The following CCDC186 variants were observed in gnomAD, a reference collection of about 807,000 sequenced individuals.
CCDC186 encodes coiled-coil domain-containing protein 186.
CCDC186 carries 49 observed loss-of-function variants against 113.7 expected under a neutral mutation model. The ratio of observed to expected loss-of-function variants is 0.43; its 90% confidence interval spans 0.34 to 0.55. The LOEUF (loss-of-function observed/expected upper bound fraction) is 0.55, where lower values mean the gene tolerates loss of function less well. CCDC186 is among the 20% of genes least tolerant of loss of function. CCDC186 has a pLI of 0.02. For missense variants in CCDC186, 890 were observed against 1,011.1 expected (o/e 0.88, Z 1.62); for synonymous variants, 355 against 345.8 (o/e 1.03, Z -0.30).
intron 3 of CCDC186, among the ~76,000 whole-genome samples, chr10:114,155,283 T>C (rs920042764): frequency 6.6e-6 from 1 of 152,242 alleles, no homozygotes; most frequent in Non-Finnish European, 1.5e-5. Flanking sequence ...AGTACACATA[T>C]ACTAATTTTC....
chr10:114,149,770 A>AAGGAAGGC (rs1351841768), intron 4 of CCDC186, among the ~76,000 whole-genome samples: 3 of 54,228 alleles, frequency 5.5e-5, no homozygotes, highest in African/African-American at 6.6e-5. Flanking sequence ...GGAAGGAAGG[A>AAGGAAGGC]AGGAAGGCAG....
At chr10:114,128,503 T>C (rs1301847192) in intron 13 of CCDC186, among the ~76,000 whole-genome samples, 1 of 152,106 alleles carries the variant, frequency 6.6e-6, no homozygotes, top group East Asian at 1.9e-4. Context: ...TGGGAGGCAA[T>C]ATAGTGTACT....
chr10:114,144,290 C>A (rs1471229942), intron 6 of CCDC186, among the ~76,000 whole-genome samples: 1 of 151,992 alleles, frequency 6.6e-6, no homozygotes, highest in African/African-American at 2.4e-5. Context: ...GAGGACATTT[C>A]TTTTTCATAA....
intron 2 of CCDC186, 41 bp from the exon 3 acceptor site, chr10:114,157,721 A>G (rs1220255431): frequency 6.9e-7 from 1 of 1,451,262 alleles, no homozygotes; most frequent in Non-Finnish European, 9.4e-7. Flanking sequence ...CATAATTTAA[A>G]ATGGAGATAA....
chr10:114,148,222 G>A (rs1255204191), intron 4 of CCDC186, among the ~76,000 whole-genome samples: 1 of 152,202 alleles, frequency 6.6e-6, no homozygotes, highest in African/African-American at 2.4e-5. Flanking sequence ...GTCATCCATA[G>A]ATCAACTGCA....
At chr10:114,153,370 A>C (rs182976386) in intron 3 of CCDC186, among the ~76,000 whole-genome samples, 1 of 152,372 alleles carries the variant, frequency 6.6e-6, no homozygotes, top group Admixed American at 6.5e-5. Flanking sequence ...AAGAAATTGC[A>C]AGGGAAATTA....
intron 15 of CCDC186, among the ~76,000 whole-genome samples, chr10:114,125,517 G>T: frequency 6.6e-6 from 1 of 151,638 alleles, no homozygotes; most frequent in Admixed American, 6.6e-5. Context: ...TAATTTTCAA[G>T]GCCCACCCAC....
chr10:114,129,951 C>A lies in CCDC186; in HGVS notation c.2122G>T (p.Val708Phe). 1 of 1,613,492 alleles carries A rather than the reference C, an allele frequency of 6.2e-7. No homozygotes were observed. Among genetic ancestry groups the A allele is most frequent in the Non-Finnish European group, 8.5e-7 (1 of 1,179,598 alleles). The stretch of plus-strand genomic sequence containing the variant: ...TCTTTGTCATAGCTTCCACTCTCAA[C>A]CTGATCTAATTTTCTTCGTGCTATA... ...LQQARRKLDQ[V>F]ESGSYDKEVS... is the part of the protein sequence containing the mutation. The change falls in exon 13 of 16, where the codon GTT becomes TTT. Residue 708 changes from valine to phenylalanine, a missense_variant. Coordinates refer to ENST00000369287, the MANE Select transcript of CCDC186 (RefSeq NM_018017.4).
intron 3 of CCDC186, among the ~76,000 whole-genome samples, chr10:114,151,892 G>C (rs912255398): frequency 4.6e-5 from 7 of 152,002 alleles, no homozygotes; most frequent in Non-Finnish European, 2.9e-5. Context: ...ATGGTGACTT[G>C]AAAGAAAAAA....
chr10:114,148,714 C>A (rs754570623), intron 4 of CCDC186, among the ~76,000 whole-genome samples: 4 of 152,174 alleles, frequency 2.6e-5, no homozygotes, highest in Non-Finnish European at 4.4e-5. Flanking sequence ...GGGCTAAAAC[C>A]TTTACTGCTC....
chr10:114,172,154 T>A lies in CCDC186; in HGVS notation c.-62+1861A>T, dbSNP rs193205133. Among the ~76,000 whole-genome samples, 541 of 152,196 alleles carry A rather than the reference T, an allele frequency of 3.6e-3. 1 individual carries two copies. Among genetic ancestry groups the A allele is most frequent in the Non-Finnish European group, 4.7e-3 (317 of 67,990 alleles). On this transcript the variant is annotated intron_variant, in intron 1 of 15. Transcript: ENST00000369287. ...TACTAAAAGAAAAAAAATTTCAGGGTAAGGATTCTTACTTTAACACGAAAC... is the reference window on the plus strand; with the variant it reads ...TACTAAAAGAAAAAAAATTTCAGGGAAAGGATTCTTACTTTAACACGAAAC...
intron 6 of CCDC186, among the ~76,000 whole-genome samples, chr10:114,138,229 G>C (rs1229265327): frequency 6.8e-6 from 1 of 146,692 alleles, no homozygotes; most frequent in Non-Finnish European, 1.5e-5. Flanking sequence ...AACAGAGTGA[G>C]ACTTTGTCAC....
chr10:114,167,567 G>A (rs2032372241), intron 1 of CCDC186, among the ~76,000 whole-genome samples: 1 of 151,976 alleles, frequency 6.6e-6, no homozygotes, highest in Admixed American at 6.6e-5. Context: ...AGAGGTATGG[G>A]GTAAAAGGGG....
chr10:114,159,640 CAAAAAAAAAA>C (rs34339225), intron 2 of CCDC186, among the ~76,000 whole-genome samples: 30 of 55,482 alleles, frequency 5.4e-4, no homozygotes, highest in Non-Finnish European at 9.9e-4. Context: ...GACTCCGTCT[CAAAAAAAAAA>C]AAAAAAAAAA....
intron 4 of CCDC186, 88 bp from the exon 5 acceptor site, chr10:114,145,849 A>G: frequency 8.2e-7 from 1 of 1,213,034 alleles, no homozygotes; most frequent in East Asian, 2.5e-5. Context: ...CTCTTATATT[A>G]CCAATGCATT....
chr10:114,136,082 T>A (rs1288701799), intron 8 of CCDC186, 66 bp downstream of exon 8: 2 of 1,505,872 alleles, frequency 1.3e-6, no homozygotes, highest in East Asian at 4.5e-5. Flanking sequence ...TAGCAATAAG[T>A]TCTCACTATT....
chr10:114,122,216 G>A lies in CCDC186; in HGVS notation c.*2927C>T, dbSNP rs982872475. 2.0e-5 allele frequency: 3 copies of A among 152,066 alleles called. No individual in the cohort carries two copies. Among genetic ancestry groups the A allele is most frequent in the Non-Finnish European group, 4.4e-5 (3 of 68,004 alleles). The allele number at this position is 152,066 out of a possible 1,614,324, so 9.4% of individuals were successfully genotyped here. ...GTATGGTGCCAATACAATAGTATAG[G>A]TTTTCAATAAATGTGTTTATTAAAT... On this transcript the variant is annotated 3_prime_UTR_variant, in exon 16 of 16. Transcript: ENST00000369287.
chr10:114,126,255 G>A, intron 14 of CCDC186, 150 bp from the exon 15 acceptor site: 2 of 633,672 alleles, frequency 3.2e-6, no homozygotes, highest in South Asian at 4.3e-5. Flanking sequence ...TTATTCAGAT[G>A]GTTTCTTAAA....
chr10:114,148,128 CA>C (rs556021838), intron 4 of CCDC186, among the ~76,000 whole-genome samples: 1 of 151,620 alleles, frequency 6.6e-6, no homozygotes, highest in African/African-American at 2.4e-5. Flanking sequence ...GACCCTGTCT[CA>C]AAAAAAATAA....
Sources: gnomAD v4.1 joint callset for allele counts (sites outside exome capture counted in the v4.1 genomes callset) on GRCh38, gnomAD v4.1.1 for gene constraint, MANE v1.5 for transcripts, NCBI Gene and HGNC (gene_info 2026-07-23, HGNC 2026-07-21) for gene names.